The following PKHD1L1 variants were observed in gnomAD, a reference collection of about 807,000 sequenced individuals.
The protein encoded by PKHD1L1 is fibrocystin-L.
PKHD1L1 carries 434 observed loss-of-function variants against 462.9 expected under a neutral mutation model. That is an observed-to-expected ratio of 0.94 (90% CI 0.87 to 1.02). The LOEUF is 1.02. Among genes scored for constraint, PKHD1L1 ranks in the 50% least tolerant of loss-of-function variants. PKHD1L1 has a pLI of 0.00. For synonymous variants in PKHD1L1, 1,781 were observed against 1,750.0 expected (o/e 1.02, Z -0.44); for missense variants, 5,202 against 5,096.1 (o/e 1.02, Z -0.63).
intron 35 of PKHD1L1, among the ~76,000 whole-genome samples, chr8:109,442,640 G>GA (rs1173100930): frequency 6.6e-6 from 1 of 151,116 alleles, no homozygotes; most frequent in African/African-American, 2.4e-5. Context: ...TTTCACTCAC[G>GA]AAAAAAAAAT....
chr8:109,535,154 T>C lies in PKHD1L1; in HGVS notation c.*5064T>C, dbSNP rs1327820669. Among the ~76,000 whole-genome samples, 2 of 152,076 alleles carry C rather than the reference T, an allele frequency of 1.3e-5. No individual in the cohort carries two copies. Among genetic ancestry groups the C allele is most frequent in the Non-Finnish European group, 2.9e-5 (2 of 68,020 alleles). ...AGTGTATAAAATTCACACCCAGTTA[T>C]AGACTGAGTAATTATAGTTGCTATG... On this transcript the variant is annotated 3_prime_UTR_variant, in exon 78 of 78. Coordinates refer to ENST00000378402, the MANE Select transcript of PKHD1L1 (RefSeq NM_177531.6).
chr8:109,509,858 G>C (rs542604854), intron 70 of PKHD1L1, among the ~76,000 whole-genome samples: 10 of 152,108 alleles, frequency 6.6e-5, no homozygotes, highest in African/African-American at 2.4e-4. Context: ...TTCCAAGTAA[G>C]CTAGGAAATT....
chr8:109,413,049 C>T (rs554720107), intron 20 of PKHD1L1, among the ~76,000 whole-genome samples: 1 of 152,110 alleles, frequency 6.6e-6, no homozygotes, highest in African/African-American at 2.4e-5. Flanking sequence ...CCCATTTAAT[C>T]TGCCTGAATG....
intron 48 of PKHD1L1, among the ~76,000 whole-genome samples, 186 bp downstream of exon 48, chr8:109,462,094 C>T (rs1050469454): frequency 3.3e-5 from 5 of 152,062 alleles, no homozygotes; most frequent in African/African-American, 1.2e-4. Flanking sequence ...TTTCTCACAC[C>T]TCGAATCGAA....
chr8:109,438,749 T>C (rs1815591172), intron 31 of PKHD1L1, 148 bp from the exon 32 acceptor site: 3 of 697,592 alleles, frequency 4.3e-6, no homozygotes, highest in Non-Finnish European at 4.6e-6. Flanking sequence ...ACCAACTCTT[T>C]CATTGTTTTT....
At chr8:109,415,499 C>G (rs1306604010) in intron 21 of PKHD1L1, among the ~76,000 whole-genome samples, 2 of 151,838 alleles carry the variant, frequency 1.3e-5, no homozygotes, top group African/African-American at 4.8e-5. Context: ...GGTGCTCCAG[C>G]AAAGCTAGGT....
chr8:109,491,180 C>A, intron 61 of PKHD1L1, 79 bp downstream of exon 61: 2 of 1,337,444 alleles, frequency 1.5e-6, no homozygotes, highest in Non-Finnish European at 1.0e-6. Context: ...CTACACTGCC[C>A]AATTGATCTT....
intron 50 of PKHD1L1, among the ~76,000 whole-genome samples, chr8:109,472,341 T>A (rs1201686714): frequency 6.6e-6 from 1 of 152,138 alleles, no homozygotes; most frequent in Non-Finnish European, 1.5e-5. Flanking sequence ...TAAGCTTTCT[T>A]TTTGTGGTTA....
intron 74 of PKHD1L1, 23 bp from the exon 75 acceptor site, chr8:109,522,721 G>A: frequency 6.3e-7 from 1 of 1,593,638 alleles, no homozygotes; most frequent in Non-Finnish European, 8.5e-7. Flanking sequence ...GAAGAAACCA[G>A]TTCATCCCTT....
intron 23 of PKHD1L1, among the ~76,000 whole-genome samples, chr8:109,422,236 C>A (rs1213518733): frequency 1.3e-5 from 2 of 150,630 alleles, no homozygotes; most frequent in Non-Finnish European, 2.9e-5. Context: ...TGTGTGTGTG[C>A]GTGTTTGTGT....
chr8:109,427,236 T>C (rs1814805316), intron 25 of PKHD1L1, 80 bp downstream of exon 25: 1 of 1,031,420 alleles, frequency 9.7e-7, no homozygotes, highest in African/African-American at 1.6e-5. Flanking sequence ...CAAAAAGAAC[T>C]GGAGGCTATG....
chr8:109,436,480 C>A, intron 30 of PKHD1L1, 21 bp downstream of exon 30: 2 of 1,609,728 alleles, frequency 1.2e-6, no homozygotes, highest in South Asian at 1.1e-5. Flanking sequence ...TGATTTCAGT[C>A]ACTTTTTCCT....
intron 2 of PKHD1L1, among the ~76,000 whole-genome samples, chr8:109,374,771 G>C (rs1486442528): frequency 4.6e-5 from 7 of 152,004 alleles, no homozygotes; most frequent in South Asian, 2.1e-4. Flanking sequence ...GCTTAGTTTG[G>C]CTGGATATGA....
chr8:109,386,653 T>C (rs1812458394), intron 6 of PKHD1L1, among the ~76,000 whole-genome samples: 3 of 152,142 alleles, frequency 2.0e-5, no homozygotes, highest in Admixed American at 2.0e-4. Context: ...TAAAAGAACT[T>C]CCAAGTAGAG....
intron 9 of PKHD1L1, among the ~76,000 whole-genome samples, chr8:109,393,868 A>G (rs1359298192): frequency 6.6e-6 from 1 of 152,124 alleles, no homozygotes; most frequent in African/African-American, 2.4e-5. Flanking sequence ...TTTTTATGTC[A>G]ATATAATTTC....
chr8:109,430,458 T>A (rs78120037), intron 27 of PKHD1L1, among the ~76,000 whole-genome samples: 81 of 152,310 alleles, frequency 5.3e-4, no homozygotes, highest in African/African-American at 1.9e-3. Context: ...AGACATCTGC[T>A]GTTTCATAAA....
At chr8:109,490,852 A>C in intron 60 of PKHD1L1, 120 bp from the exon 61 acceptor site, 1 of 835,096 alleles carries the variant, frequency 1.2e-6, no homozygotes, top group Non-Finnish European at 1.7e-6. Context: ...CTTTAAGAGA[A>C]AGTGAATTGA....
At chr8:109,438,822 T>C in intron 31 of PKHD1L1, 75 bp from the exon 32 acceptor site, 1 of 1,125,942 alleles carries the variant, frequency 8.9e-7, no homozygotes, top group East Asian at 2.6e-5. Context: ...ATGAATTGAT[T>C]TATTTAATAT....
intron 23 of PKHD1L1, among the ~76,000 whole-genome samples, chr8:109,424,826 G>A (rs534006099): frequency 6.6e-6 from 1 of 152,156 alleles, no homozygotes; most frequent in African/African-American, 2.4e-5. Context: ...AGTGATGGAG[G>A]GTGCATTCTG....
Sources: allele counts gnomAD v4.1 joint callset (sites outside exome capture counted in the v4.1 genomes callset), GRCh38; gene constraint gnomAD v4.1.1; transcripts MANE v1.5; gene names NCBI Gene and HGNC (gene_info 2026-07-23, HGNC 2026-07-21).